PTH2R: variants seen among roughly 807,000 people sequenced by gnomAD.
PTH2R encodes the protein PTH2 receptor.
In PTH2R, 59 loss-of-function variants were observed where a neutral mutation model predicts 60.3. The ratio of observed to expected loss-of-function variants is 0.98; its 90% CI spans 0.79 to 1.22. PTH2R has a LOEUF of 1.22. Among genes scored for constraint, PTH2R ranks in the 50% most tolerant of loss-of-function variants. PTH2R has a pLI of 0.00. For synonymous variants in PTH2R, 256 were observed against 243.8 expected (o/e 1.05, Z -0.47); for missense variants, 749 against 682.6 (o/e 1.10, Z -1.08).
intron 1 of PTH2R, among the ~76,000 whole-genome samples, chr2:208,421,241 G>A (rs972534565): frequency 5.3e-5 from 8 of 152,028 alleles, no homozygotes; most frequent in Admixed American, 3.3e-4. Flanking sequence ...GAATAGGGTC[G>A]TGGGGATTTT....
At chr2:208,387,090 G>A (rs1020268079) in intron 1 of PTH2R, among the ~76,000 whole-genome samples, 4 of 151,900 alleles carry the variant, frequency 2.6e-5, no homozygotes, top group African/African-American at 9.7e-5. Flanking sequence ...GATAATATTT[G>A]GCTAAATGTT....
At chr2:208,359,973 G>A (rs1373057878) in exon 1 of PTH2R, 1 of 279,336 alleles carries the variant, frequency 3.6e-6, no homozygotes, top group African/African-American at 2.2e-5. Context: ...TGGGCGGGAG[G>A]AGCGGATGGG....
At chr2:208,364,583 T>G (rs1405354362) in intron 1 of PTH2R, among the ~76,000 whole-genome samples, 1 of 152,208 alleles carries the variant, frequency 6.6e-6, no homozygotes, top group African/African-American at 2.4e-5. Context: ...TTCTATTGAT[T>G]TGTATATCTG....
intron 8 of PTH2R, among the ~76,000 whole-genome samples, chr2:208,458,366 T>C (rs1702557617): frequency 6.6e-6 from 1 of 152,174 alleles, no homozygotes. Context: ...AATTAAGTAC[T>C]GTTAAAAACA....
At chr2:208,480,959 T>C (rs935965366) in intron 9 of PTH2R, 111 bp from the exon 10 acceptor site, 50 of 743,356 alleles carry the variant, frequency 6.7e-5, no homozygotes, top group Middle Eastern at 2.5e-4. Flanking sequence ...TTCACATTTA[T>C]GAAATGGGCA....
rs1415454616 is a variant in PTH2R at position 208,457,049 on chromosome 2, A to G, written c.915-2846A>G. Among the ~76,000 whole-genome samples the G allele has an allele frequency of 2.6e-5, 4 of 152,204 alleles. No individual in the cohort carries two copies. In the East Asian group the frequency reaches 7.7e-4, roughly 29 times the overall value. On this transcript the variant is annotated intron_variant, in intron 8 of 12. Transcript: ENST00000272847. Reference sequence around the variant, plus strand: ...ATGTGTTAGGAGACACCATGATGAAATGCCATTAAAGCAAAGAAAGAAGAC... The same window carrying G: ...ATGTGTTAGGAGACACCATGATGAAGTGCCATTAAAGCAAAGAAAGAAGAC...
chr2:208,488,279 A>C (rs1289040974), intron 10 of PTH2R, among the ~76,000 whole-genome samples: 1 of 152,224 alleles, frequency 6.6e-6, no homozygotes, highest in African/African-American at 2.4e-5. Context: ...TGGCTCATAG[A>C]AAAATATAAA....
intron 7 of PTH2R, among the ~76,000 whole-genome samples, chr2:208,447,682 G>C (rs995280722): frequency 6.6e-6 from 1 of 151,036 alleles, no homozygotes; most frequent in African/African-American, 2.4e-5. Flanking sequence ...AGAAGAATAG[G>C]TGTCATATCT....
At position 208,481,088 on chromosome 2, in the gene PTH2R, C is replaced by A; in HGVS notation, c.1000C>A (p.Leu334Met). Residue 334 changes from leucine (L) to methionine (M), a missense_variant, in exon 10 of 13, where the codon CTG (leucine) becomes ATG (methionine). By Grantham distance (15) the Leu-to-Met change is conservative. Transcript: ENST00000272847. ...TTTTCAGCTGAATTTTATTCTGTTT[C>A]TGAATACGGTTAGAGTTCTAGCTAC... ...AAIGLNFILF[L>M]NTVRVLATKI... 2 of 1,607,036 alleles carry A rather than the reference C, an allele frequency of 1.2e-6. No homozygotes were observed. Among genetic ancestry groups the A allele is most frequent in the Non-Finnish European group, 1.7e-6 (2 of 1,174,848 alleles).
chr2:208,374,937 C>T (rs941135703), intron 1 of PTH2R, among the ~76,000 whole-genome samples: 1 of 152,098 alleles, frequency 6.6e-6, no homozygotes, highest in African/African-American at 2.4e-5. Flanking sequence ...CTCCTAGCCT[C>T]AAGGAGCTTG....
At chr2:208,477,082 T>C (rs1703021757) in intron 9 of PTH2R, among the ~76,000 whole-genome samples, 1 of 152,244 alleles carries the variant, frequency 6.6e-6, no homozygotes, top group Non-Finnish European at 1.5e-5. Flanking sequence ...AGAGCACGCA[T>C]ATCTCATTTG....
intron 4 of PTH2R, among the ~76,000 whole-genome samples, chr2:208,440,276 C>T (rs1407409872): frequency 6.6e-6 from 1 of 152,106 alleles, no homozygotes; most frequent in Non-Finnish European, 1.5e-5. Flanking sequence ...ACAATAACAA[C>T]TTCAAGAAAT....
intron 9 of PTH2R, among the ~76,000 whole-genome samples, chr2:208,477,958 C>CTAG (rs1703052860): frequency 1.2e-4 from 3 of 25,146 alleles, no homozygotes; most frequent in Non-Finnish European, 4.5e-4. Context: ...ACTAGCACTA[C>CTAG]TACTAGTACT....
chr2:208,417,799 C>T (rs1701671827), intron 1 of PTH2R, among the ~76,000 whole-genome samples: 1 of 151,948 alleles, frequency 6.6e-6, no homozygotes. Flanking sequence ...ATAGAAAATC[C>T]AGGAGTAACT....
intron 3 of PTH2R, 51 bp from the exon 4 acceptor site, chr2:208,437,709 A>G (rs1347712337): frequency 3.7e-6 from 6 of 1,604,076 alleles, no homozygotes; most frequent in South Asian, 1.1e-5. Flanking sequence ...TTTTCTTGAT[A>G]ATAGATTCTA....
At chr2:208,451,134 G>A (rs994866920) in intron 8 of PTH2R, among the ~76,000 whole-genome samples, 1 of 152,084 alleles carries the variant, frequency 6.6e-6, no homozygotes. Flanking sequence ...GCAGGTTGAA[G>A]AACTACACTA....
chr2:208,383,157 G>C (rs549831309), intron 1 of PTH2R, among the ~76,000 whole-genome samples: 105 of 152,320 alleles, frequency 6.9e-4, no homozygotes, highest in African/African-American at 2.4e-3. Context: ...TACTTCAAGG[G>C]AGGTAGTTAG....
chr2:208,382,142 ATTTAT>A (rs1034949469), intron 1 of PTH2R, among the ~76,000 whole-genome samples: 2 of 152,026 alleles, frequency 1.3e-5, no homozygotes, highest in African/African-American at 4.8e-5. Context: ...GTTTTTATTT[ATTTAT>A]TTTATCAGTA....
chr2:208,467,462 C>T (rs1225904783), intron 9 of PTH2R, among the ~76,000 whole-genome samples: 1 of 152,174 alleles, frequency 6.6e-6, no homozygotes, highest in Non-Finnish European at 1.5e-5. Flanking sequence ...AAAGAAATCT[C>T]ACTCCTTTTT....
Sources: gnomAD v4.1 joint callset for allele counts (sites outside exome capture counted in the v4.1 genomes callset) on GRCh38, gnomAD v4.1.1 for gene constraint, MANE v1.5 for transcripts, NCBI Gene and HGNC (gene_info 2026-07-23, HGNC 2026-07-21) for gene names.